Variants in SYT13 observed in about 807,000 individuals in gnomAD.
SYT13 encodes the protein synaptotagmin 13.
Under a neutral mutation model 38.6 loss-of-function variants are expected in SYT13, and 21 were observed. That is an observed-to-expected ratio of 0.54 (90% CI 0.39 to 0.78). The LOEUF (loss-of-function observed/expected upper bound fraction) is 0.78, where lower values mean the gene tolerates loss of function less well. SYT13 is among the 30% of genes least tolerant of loss of function. The probability of loss-of-function intolerance (pLI) is 0.00; values close to 1 mark genes in which losing one functional copy is unlikely to be tolerated. For synonymous variants in SYT13, 241 were observed against 237.6 expected, an observed-to-expected ratio of 1.01 and a Z score of -0.13; for missense variants, 495 against 548.7, an observed-to-expected ratio of 0.90 and a Z score of 0.98.
At chr11:45,276,781 G>A (rs1855016138) in intron 1 of SYT13, among the ~76,000 whole-genome samples, 1 of 151,830 alleles carries the variant, frequency 6.6e-6, no homozygotes, top group South Asian at 2.1e-4. Flanking sequence ...TGGAGAAATG[G>A]GAACTGTCAT....
At position 45,252,381 on chromosome 11, in the gene SYT13, A is replaced by G; in HGVS notation, c.846+40T>C. ...ACCAGGTTCTGCCATCCCATGCTGC[A>G]CGGGCAGGTTTTACCTTTCTAACCC... On this transcript the variant is annotated intron_variant, in intron 4 of 5. Transcript: ENST00000020926. This position sits in a 1 kb window ranked among gnomAD's most constrained non-coding sequence, Gnocchi z 4.3. 1 of 1,519,902 alleles carries G rather than the reference A, an allele frequency of 6.6e-7. No homozygotes were observed. Among genetic ancestry groups the G allele is most frequent in the South Asian group, 1.2e-5 (1 of 80,142 alleles). 94.2% of individuals were successfully genotyped at this position (1,519,902 alleles called of 1,614,324 possible). A position where few individuals can be genotyped will look rare whatever the true frequency, so the allele number is the denominator to read the frequency against.
At position 45,241,513 on chromosome 11, in the gene SYT13, G is replaced by A. The variant is rs530081388; in HGVS notation, c.*2539C>T. The A allele has an allele frequency of 4.8e-3, 572 of 119,764 alleles. 9 individuals carry two copies. Among genetic ancestry groups the A allele is most frequent in the African/African-American group, 0.018 (547 of 30,714 alleles). The allele number at this position is 119,764 out of a possible 1,614,324, so 7.4% of individuals were successfully genotyped here. On this transcript the variant is annotated 3_prime_UTR_variant, in exon 6 of 6. Coordinates refer to ENST00000020926, the MANE Select transcript of SYT13 (RefSeq NM_020826.3). ...AACTTTGAGATCCCTCCCCCGCCCC[G>A]CCCCCCCAAAAAAAAGAAGAAGAAG...
intron 1 of SYT13, among the ~76,000 whole-genome samples, chr11:45,279,149 C>T (rs2135911016): frequency 6.6e-6 from 1 of 152,328 alleles, no homozygotes; most frequent in Middle Eastern, 3.4e-3. Context: ...AGTGTGGGCT[C>T]TGAAGCCAAA....
intron 2 of SYT13, 164 bp from the exon 3 acceptor site, chr11:45,254,568 T>TCA: frequency 1.1e-6 from 1 of 902,176 alleles, no homozygotes; most frequent in East Asian, 2.9e-5. Context: ...GGGGTCAATG[T>TCA]CACAGCCCAT....
rs970798565 is a variant in SYT13, at chr11:45,243,689, A to G, written c.*363T>C. 5.4e-5 allele frequency: 10 copies of G among 185,930 alleles called. No individual in the cohort carries two copies. Among genetic ancestry groups the G allele is most frequent in the South Asian group, 3.4e-4 (2 of 5,908 alleles). The allele number at this position is 185,930 out of a possible 1,614,324, so 11.5% of individuals were successfully genotyped here. A position where few individuals can be genotyped will look rare whatever the true frequency, so the allele number is the denominator to read the frequency against. On this transcript the variant is annotated 3_prime_UTR_variant, in exon 6 of 6. Coordinates refer to ENST00000020926, the MANE Select transcript of SYT13 (RefSeq NM_020826.3). ...CCAGGATACTTTCACTTCCTTCATCATTTTTGAAATGCTTGTTTTTCAAAA... is the reference window on the plus strand; with the variant it reads ...CCAGGATACTTTCACTTCCTTCATCGTTTTTGAAATGCTTGTTTTTCAAAA...
At chr11:45,258,404 T>C (rs1434860896) in intron 1 of SYT13, 1 of 152,120 alleles carries the variant, frequency 6.6e-6, no homozygotes, top group Non-Finnish European at 1.5e-5. Context: ...CTGGGTCACT[T>C]TGGGCAGGTC....
chr11:45,280,265 T>C (rs568943701), intron 1 of SYT13, among the ~76,000 whole-genome samples: 40 of 152,242 alleles, frequency 2.6e-4, no homozygotes, highest in Admixed American at 2.5e-3. Flanking sequence ...ACTGATGGTC[T>C]TAACGTCCCA....
Position 45,252,719 on chromosome 11 carries a change from A to G in SYT13, c.548T>C (p.Val183Ala). The G allele has an allele frequency of 1.3e-6, 2 of 1,569,748 alleles. No individual in the cohort carries two copies. Among genetic ancestry groups the G allele is most frequent in the Non-Finnish European group, 1.7e-6 (2 of 1,151,918 alleles). Reference protein sequence around the residue: ...AELFVTRLEAVTSNHDGGCDC... With the variant: ...AELFVTRLEAATSNHDGGCDC... Reference sequence around the variant, plus strand: ...ACAGCCTCCGTCGTGGTTGCTGGTCACAGCTGCAGGCAAGGAGAACAACAC... The same window carrying G: ...ACAGCCTCCGTCGTGGTTGCTGGTCGCAGCTGCAGGCAAGGAGAACAACAC... Residue 183 changes from valine to alanine, a missense_variant, in exon 4 of 6, where the codon GTG becomes GCG. Transcript: ENST00000020926. The surrounding 1 kb of genome is among the most constrained non-coding windows in gnomAD (Gnocchi z 4.3).
At chr11:45,256,542 C>T (rs1854749507) in intron 1 of SYT13, among the ~76,000 whole-genome samples, 1 of 152,196 alleles carries the variant, frequency 6.6e-6, no homozygotes, top group Non-Finnish European at 1.5e-5. Context: ...TCTAACCTTA[C>T]AATCTAAATT....
At chr11:45,253,911 A>G (rs1854708875) in intron 3 of SYT13, 2 of 162,220 alleles carry the variant, frequency 1.2e-5, no homozygotes, top group Non-Finnish European at 2.7e-5. Flanking sequence ...AGTCCAGGTA[A>G]AGGCTGTTAA....
At chr11:45,264,470 G>T (rs1328463345) in intron 1 of SYT13, among the ~76,000 whole-genome samples, 3 of 152,146 alleles carry the variant, frequency 2.0e-5, no homozygotes, top group African/African-American at 7.2e-5. Context: ...CCTATAGAGA[G>T]CCCCATGTGC....
At chr11:45,266,709 T>C (rs951260833) in intron 1 of SYT13, among the ~76,000 whole-genome samples, 4 of 152,232 alleles carry the variant, frequency 2.6e-5, no homozygotes, top group Non-Finnish European at 4.4e-5. Flanking sequence ...TATCAAAATT[T>C]CACTTCCAAC....
intron 1 of SYT13, among the ~76,000 whole-genome samples, chr11:45,282,170 C>A (rs1232071055): frequency 1.3e-5 from 2 of 152,188 alleles, no homozygotes; most frequent in African/African-American, 4.8e-5. Context: ...CTTGCTCAAG[C>A]TGCCAGGTCA....
chr11:45,269,392 A>G (rs1854922589), intron 1 of SYT13: 1 of 1,128,498 alleles, frequency 8.9e-7, no homozygotes, highest in Non-Finnish European at 1.1e-6. Flanking sequence ...AAACCCCAAG[A>G]TGGCAAGATC....
In SYT13 at chr11:45,252,778, G is replaced by A; in HGVS notation, c.545-56C>T. ...GACTTTCTGAGGACAAGTGGAGGGGGCAGAAGCACGCCTTGCTTAGGGCTG... is the reference window on the plus strand; with the variant it reads ...GACTTTCTGAGGACAAGTGGAGGGGACAGAAGCACGCCTTGCTTAGGGCTG... On this transcript the variant is annotated intron_variant, in intron 3 of 5. Transcript: ENST00000020926. This position sits in a 1 kb window ranked among gnomAD's most constrained non-coding sequence, Gnocchi z 4.3. 6.6e-7 allele frequency: 1 copy of A among 1,507,698 alleles called. No homozygotes were observed. The highest frequency in any genetic ancestry group is 8.9e-7 in the Non-Finnish European group (1 of 1,122,392). The allele number at this position is 1,507,698 out of a possible 1,614,324, so 93.4% of individuals were successfully genotyped here.
At chr11:45,266,683 A>G (rs746703735) in intron 1 of SYT13, among the ~76,000 whole-genome samples, 5 of 152,212 alleles carry the variant, frequency 3.3e-5, no homozygotes, top group Non-Finnish European at 5.9e-5. Context: ...TATCCTTTGA[A>G]GATAGCTTAG....
chr11:45,275,153 C>G (rs1295240373), intron 1 of SYT13, among the ~76,000 whole-genome samples: 2 of 152,170 alleles, frequency 1.3e-5, no homozygotes, highest in African/African-American at 2.4e-5. Flanking sequence ...ATTTGTCTAC[C>G]CATCCATTCA....
chr11:45,243,999 G>T lies in SYT13; in HGVS notation c.*53C>A. On this transcript the variant is annotated 3_prime_UTR_variant, in exon 6 of 6. Transcript: ENST00000020926. ...ATGAGGAAAGGGGCACAGAAAGGAG[G>T]TTGCAGAGGACGGGTCAGGGCTGTC... 1 of 1,516,502 alleles carries T rather than the reference G, an allele frequency of 6.6e-7. No individual in the cohort carries two copies. The allele number at this position is 1,516,502 out of a possible 1,614,324, so 93.9% of individuals were successfully genotyped here.
chr11:45,248,815 C>A (rs764135649), intron 4 of SYT13, among the ~76,000 whole-genome samples: 2 of 152,218 alleles, frequency 1.3e-5, no homozygotes, highest in Non-Finnish European at 2.9e-5. Context: ...GGGCTTTTCA[C>A]TTTTGCATAG....
Sources: gnomAD v4.1 joint callset for allele counts (sites outside exome capture counted in the v4.1 genomes callset) on GRCh38, gnomAD v4.1.1 for gene constraint, Gnocchi (gnomAD v3.1) non-coding constraint, MANE v1.5 for transcripts, NCBI Gene and HGNC (gene_info 2026-07-23, HGNC 2026-07-21) for gene names.